OR51B5: variants seen among roughly 807,000 people sequenced by gnomAD.
OR51B5 encodes the protein olfactory receptor 51B5.
For synonymous variants in OR51B5, 186 were observed against 144.8 expected (o/e 1.28, Z -2.04); for missense variants, 456 against 374.6 (o/e 1.22, Z -1.79).
At chr11:5,391,630 A>C (rs1849796424) in intron 1 of OR51B5, 1 of 152,246 alleles carries the variant, frequency 6.6e-6, no homozygotes, top group African/African-American at 2.4e-5. Flanking sequence ...AAGCCCAAGA[A>C]GACACCTTTC....
chr11:5,492,782 G>A (rs1279686310), intron 1 of OR51B5, among the ~76,000 whole-genome samples: 2 of 152,204 alleles, frequency 1.3e-5, no homozygotes, highest in East Asian at 3.9e-4. Flanking sequence ...GATTACAGGT[G>A]CATCCCACTA....
At chr11:5,501,879 T>C (rs1846296215) in intron 1 of OR51B5, among the ~76,000 whole-genome samples, 1 of 148,812 alleles carries the variant, frequency 6.7e-6, no homozygotes, top group Non-Finnish European at 1.5e-5. Context: ...AACTGGTCAT[T>C]TACATTAGGT....
At chr11:5,402,885 C>G in intron 1 of OR51B5, 1 of 471,380 alleles carries the variant, frequency 2.1e-6, no homozygotes, top group South Asian at 1.5e-5. Flanking sequence ...TGAAATTAGT[C>G]TTGAAGCTTG....
chr11:5,461,883 C>T (rs1256068108), intron 1 of OR51B5, among the ~76,000 whole-genome samples: 1 of 152,200 alleles, frequency 6.6e-6, no homozygotes, highest in Non-Finnish European at 1.5e-5. Context: ...CTCCTGTATC[C>T]ACTCTGGATG....
chr11:5,458,930 T>G (rs189926813), intron 1 of OR51B5, among the ~76,000 whole-genome samples: 20 of 152,330 alleles, frequency 1.3e-4, no homozygotes, highest in Admixed American at 7.2e-4. Flanking sequence ...CTCTGCCCAT[T>G]TGGATGCCTT....
intron 1 of OR51B5, among the ~76,000 whole-genome samples, chr11:5,473,449 A>T (rs963318840): frequency 2.0e-5 from 3 of 152,232 alleles, no homozygotes; most frequent in Non-Finnish European, 4.4e-5. Context: ...TAGAAATTGT[A>T]CAGAGTTCAA....
chr11:5,416,601 A>G (rs1375819643), intron 1 of OR51B5, among the ~76,000 whole-genome samples: 1 of 150,716 alleles, frequency 6.6e-6, no homozygotes, highest in African/African-American at 2.4e-5. Context: ...AAATCAATGT[A>G]CAAAAATCAC....
intron 1 of OR51B5, among the ~76,000 whole-genome samples, chr11:5,496,411 C>T (rs937144067): frequency 4.8e-3 from 5 of 1,040 alleles, no homozygotes; most frequent in African/African-American, 8.9e-3. Context: ...TCAGAGATGC[C>T]CTTTCACCGC....
chr11:5,459,672 A>T (rs10838144), intron 1 of OR51B5, among the ~76,000 whole-genome samples: 1 of 152,006 alleles, frequency 6.6e-6, no homozygotes, highest in Non-Finnish European at 1.5e-5. Context: ...AGTCAAAACC[A>T]CAATGGGATG....
At chr11:5,450,721 T>C (rs1471852417) in intron 1 of OR51B5, among the ~76,000 whole-genome samples, 1 of 152,216 alleles carries the variant, frequency 6.6e-6, no homozygotes, top group African/African-American at 2.4e-5. Context: ...ATTTTCCTTT[T>C]AAACTTACTC....
chr11:5,474,266 TGAGAA>T (rs1324197307), intron 1 of OR51B5, among the ~76,000 whole-genome samples: 6 of 152,218 alleles, frequency 3.9e-5, no homozygotes, highest in South Asian at 2.1e-4. Flanking sequence ...AATTATTGGT[TGAGAA>T]AAGATTTCAT....
intron 1 of OR51B5, among the ~76,000 whole-genome samples, chr11:5,498,539 G>T (rs1047567899): frequency 8.5e-5 from 13 of 152,098 alleles, no homozygotes; most frequent in African/African-American, 2.9e-4. Flanking sequence ...CAACATATTA[G>T]AATCTCTTGC....
At chr11:5,372,436 TTGTC>T (rs1849461721) in intron 1 of OR51B5, among the ~76,000 whole-genome samples, 2 of 152,162 alleles carry the variant, frequency 1.3e-5, no homozygotes, top group Non-Finnish European at 2.9e-5. Context: ...CCCCTATCTC[TTGTC>T]TTTTTTGATA....
At chr11:5,467,879 C>T (rs1851161939) in intron 1 of OR51B5, among the ~76,000 whole-genome samples, 1 of 152,232 alleles carries the variant, frequency 6.6e-6, no homozygotes, top group South Asian at 2.1e-4. Flanking sequence ...TCAATCCTCT[C>T]TGTAGTCATG....
At chr11:5,357,430 C>T (rs186170297) in intron 1 of OR51B5, among the ~76,000 whole-genome samples, 1 of 151,080 alleles carries the variant, frequency 6.6e-6, no homozygotes, top group Non-Finnish European at 1.5e-5. Context: ...AGCTAACTAT[C>T]CTAAACATAT....
chr11:5,389,382 A>G (rs1849752822), intron 1 of OR51B5: 2 of 1,606,008 alleles, frequency 1.2e-6, no homozygotes, highest in Non-Finnish European at 1.7e-6. Context: ...ATTTATTTTC[A>G]GCTCAATCCC....
At chr11:5,466,566 T>C (rs1287552892) in intron 1 of OR51B5, among the ~76,000 whole-genome samples, 1 of 152,266 alleles carries the variant, frequency 6.6e-6, no homozygotes, top group Admixed American at 6.5e-5. Context: ...AGCATGGCCC[T>C]GAGCGCCATG....
intron 1 of OR51B5, among the ~76,000 whole-genome samples, chr11:5,458,985 C>G (rs571234917): frequency 6.6e-6 from 1 of 152,156 alleles, no homozygotes; most frequent in Admixed American, 6.5e-5. Flanking sequence ...ACTTCCAATA[C>G]TATGCAGAGT....
intron 1 of OR51B5, among the ~76,000 whole-genome samples, chr11:5,355,904 G>T (rs187354898): frequency 6.6e-6 from 1 of 152,036 alleles, no homozygotes; most frequent in Non-Finnish European, 1.5e-5. Flanking sequence ...TTAAAAATCT[G>T]CTGCAAGCTG....
Sources: gnomAD v4.1 joint callset for allele counts (sites outside exome capture counted in the v4.1 genomes callset) on GRCh38, gnomAD v4.1.1 for gene constraint, MANE v1.5 for transcripts, NCBI Gene and HGNC (gene_info 2026-07-23, HGNC 2026-07-21) for gene names.